Variants in ASIC2 observed in about 807,000 individuals in gnomAD.
The protein encoded by ASIC2 is acid sensing ion channel subunit 2.
Under a neutral mutation model 57.3 loss-of-function variants are expected in ASIC2, and 25 were observed. That is an observed-to-expected ratio of 0.44 (90% CI 0.32 to 0.61). ASIC2 has a LOEUF of 0.61. Ranked by LOEUF, ASIC2 falls within the 20% of genes least tolerant of loss-of-function variation. The pLI, the probability that ASIC2 is intolerant of heterozygous loss-of-function variation, is 0.06. For synonymous variants in ASIC2, 319 were observed against 307.5 expected, an observed-to-expected ratio of 1.04 and a Z score of -0.39; for missense variants, 641 against 738.1, an observed-to-expected ratio of 0.87 and a Z score of 1.52.
intron 3 of ASIC2, among the ~76,000 whole-genome samples, chr17:33,055,527 T>G (rs1459405181): frequency 6.6e-6 from 1 of 152,182 alleles, no homozygotes; most frequent in African/African-American, 2.4e-5. Flanking sequence ...TTCTGACTCG[T>G]CCTTCCGCTT....
At chr17:33,779,303 G>A (rs1421967473) in intron 1 of ASIC2, among the ~76,000 whole-genome samples, 2 of 152,002 alleles carry the variant, frequency 1.3e-5, no homozygotes, top group African/African-American at 2.4e-5. Context: ...TCCAGATGGC[G>A]GTGTTCAACA....
At chr17:33,924,492 C>G (rs1915781405) in intron 1 of ASIC2, among the ~76,000 whole-genome samples, 1 of 152,256 alleles carries the variant, frequency 6.6e-6, no homozygotes, top group Admixed American at 6.5e-5. Context: ...GCTAGGAAAG[C>G]ATTCGCCATA....
At chr17:34,075,668 C>T (rs1310944925) in intron 1 of ASIC2, among the ~76,000 whole-genome samples, 1 of 151,750 alleles carries the variant, frequency 6.6e-6, no homozygotes, top group African/African-American at 2.4e-5. Context: ...GTGATATCCC[C>T]TGTTACTCTC....
rs546543288 is a variant in ASIC2 at position 33,569,265 on chromosome 17, G to T, written c.556-457198C>A. ...CCTGGAGGTGGGGCCTGCAAGGCATGTAGAATGGTGACATGTCTGAGTCCC... is the reference window on the plus strand; with the variant it reads ...CCTGGAGGTGGGGCCTGCAAGGCATTTAGAATGGTGACATGTCTGAGTCCC... On this transcript the variant is annotated intron_variant, in intron 1 of 9. Coordinates refer to the ASIC2 transcript ENST00000359872. 3 of 152,446 alleles carry T rather than the reference G, an allele frequency of 2.0e-5. No homozygotes were observed. In the East Asian group the frequency reaches 5.8e-4, roughly 29 times the overall value. 9.4% of individuals were successfully genotyped at this position (152,446 alleles called of 1,614,324 possible). A position where few individuals can be genotyped will look rare whatever the true frequency, so the allele number is the denominator to read the frequency against.
intron 1 of ASIC2, among the ~76,000 whole-genome samples, chr17:33,766,923 A>G (rs1006540984): frequency 4.6e-5 from 7 of 152,264 alleles, no homozygotes; most frequent in Non-Finnish European, 1.0e-4. Context: ...ATACAGATAT[A>G]AGCATTGTCA....
At chr17:34,127,243 C>G (rs1911814549) in intron 1 of ASIC2, among the ~76,000 whole-genome samples, 1 of 152,180 alleles carries the variant, frequency 6.6e-6, no homozygotes, top group Non-Finnish European at 1.5e-5. Flanking sequence ...GAAATGAGGA[C>G]TTCCTATCAC....
At chr17:33,687,426 T>C (rs1291167426) in intron 1 of ASIC2, among the ~76,000 whole-genome samples, 1 of 152,172 alleles carries the variant, frequency 6.6e-6, no homozygotes, top group East Asian at 1.9e-4. Context: ...ATGTTTCTCA[T>C]GCGTCAGGAT....
intron 1 of ASIC2, among the ~76,000 whole-genome samples, chr17:33,699,416 AG>A (rs1402715001): frequency 6.6e-6 from 1 of 152,202 alleles, no homozygotes; most frequent in Non-Finnish European, 1.5e-5. Context: ...CCAAAGTCGG[AG>A]GAACAACCAC....
chr17:33,289,090 A>G (rs561191499), intron 1 of ASIC2, among the ~76,000 whole-genome samples: 2 of 152,298 alleles, frequency 1.3e-5, no homozygotes, highest in South Asian at 4.2e-4. Context: ...AAAAACCTAC[A>G]GCATGCAACT....
chr17:34,119,155 GT>G (rs1911517345), intron 1 of ASIC2, among the ~76,000 whole-genome samples: 1 of 152,164 alleles, frequency 6.6e-6, no homozygotes. Flanking sequence ...TTTTAATCAA[GT>G]GTTGAAGAAA....
At chr17:34,145,092 G>A (rs1398447127) in intron 1 of ASIC2, among the ~76,000 whole-genome samples, 1 of 152,154 alleles carries the variant, frequency 6.6e-6, no homozygotes, top group African/African-American at 2.4e-5. Flanking sequence ...GCCTCTTGAG[G>A]AGCCATCCAT....
At chr17:33,450,341 T>A (rs1044824660) in intron 1 of ASIC2, among the ~76,000 whole-genome samples, 6 of 152,218 alleles carry the variant, frequency 3.9e-5, no homozygotes, top group African/African-American at 1.4e-4. Flanking sequence ...TATTTAGGTA[T>A]AACCTCCCTC....
intron 1 of ASIC2, among the ~76,000 whole-genome samples, chr17:34,011,163 G>A (rs986231517): frequency 2.1e-5 from 3 of 140,492 alleles, no homozygotes; most frequent in African/African-American, 8.1e-5. Context: ...ACATAGAGAT[G>A]CCTCCAGTCA....
At chr17:34,087,496 G>T (rs888857155) in intron 1 of ASIC2, among the ~76,000 whole-genome samples, 2 of 151,996 alleles carry the variant, frequency 1.3e-5, no homozygotes, top group African/African-American at 4.8e-5. Flanking sequence ...TCCAACTTTG[G>T]TTCATCTGAC....
At chr17:34,035,175 G>C (rs1407377765) in intron 1 of ASIC2, among the ~76,000 whole-genome samples, 1 of 147,466 alleles carries the variant, frequency 6.8e-6, no homozygotes, top group Non-Finnish European at 1.5e-5. Context: ...TAGATCAATG[G>C]AACAGAACAG....
chr17:33,395,137 C>A (rs1056965772), intron 1 of ASIC2, among the ~76,000 whole-genome samples: 1 of 151,788 alleles, frequency 6.6e-6, no homozygotes, highest in African/African-American at 2.4e-5. Flanking sequence ...TACTCATCCA[C>A]ACATTCCCCC....
At chr17:34,083,602 A>T (rs1009250584) in intron 1 of ASIC2, among the ~76,000 whole-genome samples, 4 of 152,116 alleles carry the variant, frequency 2.6e-5, no homozygotes, top group African/African-American at 9.7e-5. Context: ...CGCCACACTG[A>T]CTTCCACAAT....
At chr17:33,620,177 A>G (rs1322534424) in intron 1 of ASIC2, among the ~76,000 whole-genome samples, 1 of 151,496 alleles carries the variant, frequency 6.6e-6, no homozygotes, top group Non-Finnish European at 1.5e-5. Flanking sequence ...TATCAGAAAA[A>G]CTAAACAACT....
intron 1 of ASIC2, among the ~76,000 whole-genome samples, chr17:33,509,402 G>A (rs1914362393): frequency 6.6e-6 from 1 of 152,156 alleles, no homozygotes; most frequent in African/African-American, 2.4e-5. Context: ...TGAGGCTTAG[G>A]GAGCTTAACC....
Sources: gnomAD v4.1 joint callset for allele counts (sites outside exome capture counted in the v4.1 genomes callset) on GRCh38, gnomAD v4.1.1 for gene constraint, MANE v1.5 for transcripts, NCBI Gene and HGNC (gene_info 2026-07-23, HGNC 2026-07-21) for gene names.